KAT14: variants seen among roughly 807,000 people sequenced by gnomAD.
KAT14 encodes the protein cysteine-rich protein 2-binding protein.
Under a neutral mutation model 78.4 loss-of-function variants are expected in KAT14, and 66 were observed. The ratio of observed to expected loss-of-function variants is 0.84; its 90% CI spans 0.69 to 1.03. The LOEUF (loss-of-function observed/expected upper bound fraction) is 1.03. Among genes scored for constraint, KAT14 ranks in the 50% least tolerant of loss-of-function variants. The pLI is 0.00. For missense variants in KAT14, 870 were observed against 972.5 expected (o/e 0.89, Z 1.40); for synonymous variants, 344 against 359.4 (o/e 0.96, Z 0.48).
chr20:18,154,703 T>G (rs1051148035), intron 4 of KAT14, among the ~76,000 whole-genome samples: 1 of 152,190 alleles, frequency 6.6e-6, no homozygotes, highest in Non-Finnish European at 1.5e-5. Flanking sequence ...TAAGATCCAT[T>G]AACTTTAAGA....
chr20:18,179,638 G>A (rs1214748772), intron 7 of KAT14, among the ~76,000 whole-genome samples: 2 of 152,206 alleles, frequency 1.3e-5, no homozygotes, highest in Admixed American at 1.3e-4. Context: ...AGGCTTCCAG[G>A]TCTGTGATGG....
intron 2 of KAT14, among the ~76,000 whole-genome samples, chr20:18,144,052 T>C (rs1051550435): frequency 2.0e-5 from 3 of 152,224 alleles, no homozygotes; most frequent in African/African-American, 7.2e-5. Flanking sequence ...AAGATATAGG[T>C]ACTTGAGGAA....
chr20:18,152,945 G>A (rs558606411), intron 4 of KAT14, among the ~76,000 whole-genome samples: 1 of 152,166 alleles, frequency 6.6e-6, no homozygotes, highest in African/African-American at 2.4e-5. Context: ...AAATGTCCAC[G>A]TGGATCTATC....
chr20:18,150,695 G>A (rs1216995778), intron 3 of KAT14, 126 bp from the exon 4 acceptor site: 10 of 1,449,548 alleles, frequency 6.9e-6, no homozygotes, highest in African/African-American at 4.3e-5. Context: ...GATACCGTCC[G>A]TCCTTTGTTC....
intron 7 of KAT14, among the ~76,000 whole-genome samples, chr20:18,178,602 C>T (rs1019281264): frequency 1.3e-5 from 2 of 152,148 alleles, no homozygotes; most frequent in African/African-American, 4.8e-5. Context: ...TCTCGTGAGA[C>T]TTATTCACTA....
intron 7 of KAT14, among the ~76,000 whole-genome samples, chr20:18,177,392 T>C (rs1247833609): frequency 6.6e-6 from 1 of 152,220 alleles, no homozygotes; most frequent in Non-Finnish European, 1.5e-5. Context: ...TTATTTCTGC[T>C]ACTTTCTGAT....
chr20:18,186,596 T>C (rs1273058382), intron 10 of KAT14, among the ~76,000 whole-genome samples: 9 of 152,338 alleles, frequency 5.9e-5, no homozygotes, highest in Non-Finnish European at 5.9e-5. Context: ...TTAAATGATA[T>C]GACTTTTGGG....
At chr20:18,148,754 C>T (rs2037925837) in intron 3 of KAT14, among the ~76,000 whole-genome samples, 4 of 152,172 alleles carry the variant, frequency 2.6e-5, no homozygotes, top group Middle Eastern at 3.4e-3. Flanking sequence ...GAACTACAGG[C>T]GTGCGCCACC....
intron 3 of KAT14, among the ~76,000 whole-genome samples, chr20:18,146,959 G>T (rs755264295): frequency 1.3e-5 from 2 of 152,164 alleles, no homozygotes; most frequent in African/African-American, 4.8e-5. Context: ...CTACTGTGGT[G>T]AACGAGACAG....
Position 18,137,947 on chromosome 20 carries a change from A to T in KAT14, c.-558A>T, listed in dbSNP as rs768240006. 1.3e-4 allele frequency: 185 copies of T among 1,478,550 alleles called. No individual in the cohort carries two copies. The highest frequency in any genetic ancestry group is 1.6e-4 in the Non-Finnish European group (176 of 1,122,534). 91.6% of individuals were successfully genotyped at this position (1,478,550 alleles called of 1,614,324 possible). On this transcript the variant is annotated 5_prime_UTR_variant, in exon 1 of 11. Transcript: ENST00000688188. ...GCGGGAGAGAGAGGCCGCGGCCGCC[A>T]GCGTGGGGATGTCTAGGAGCTCGAA... is the stretch of plus-strand genomic sequence containing the variant.
At chr20:18,146,607 C>T (rs2037835511) in intron 3 of KAT14, among the ~76,000 whole-genome samples, 1 of 152,010 alleles carries the variant, frequency 6.6e-6, no homozygotes, top group Non-Finnish European at 1.5e-5. Context: ...TGCAGTGAGC[C>T]GAGATCGCGC....
chr20:18,174,869 T>G (rs955456085), intron 7 of KAT14, among the ~76,000 whole-genome samples: 2 of 152,122 alleles, frequency 1.3e-5, no homozygotes, highest in Non-Finnish European at 2.9e-5. Flanking sequence ...TTCATCATGT[T>G]GGCCAGGCTG....
intron 7 of KAT14, among the ~76,000 whole-genome samples, chr20:18,169,276 T>C (rs2038766745): frequency 6.6e-6 from 1 of 152,232 alleles, no homozygotes; most frequent in East Asian, 1.9e-4. Context: ...TTTATTCACA[T>C]TGCTGTATTG....
At chr20:18,171,994 G>C (rs2146479407) in intron 7 of KAT14, among the ~76,000 whole-genome samples, 1 of 152,284 alleles carries the variant, frequency 6.6e-6, no homozygotes, top group Non-Finnish European at 1.5e-5. Flanking sequence ...CTCACTGAAG[G>C]CTCAGATGAT....
At chr20:18,166,234 G>A (rs1236542368) in intron 7 of KAT14, among the ~76,000 whole-genome samples, 4 of 152,184 alleles carry the variant, frequency 2.6e-5, no homozygotes, top group Admixed American at 1.3e-4. Flanking sequence ...ACGCACTTGG[G>A]TCGTCCTTAC....
At chr20:18,168,893 T>G (rs1022773835) in intron 7 of KAT14, among the ~76,000 whole-genome samples, 3 of 152,198 alleles carry the variant, frequency 2.0e-5, no homozygotes, top group African/African-American at 7.2e-5. Flanking sequence ...TTGCTTCAAA[T>G]TTTTCTTCTA....
chr20:18,157,373 A>G (rs1217593375), intron 4 of KAT14, among the ~76,000 whole-genome samples: 1 of 152,006 alleles, frequency 6.6e-6, no homozygotes, highest in Non-Finnish European at 1.5e-5. Context: ...GTGCCATCAC[A>G]CCCAGCTAAT....
chr20:18,184,513 G>A, intron 9 of KAT14, 89 bp from the exon 10 acceptor site: 5 of 1,126,660 alleles, frequency 4.4e-6, no homozygotes, highest in South Asian at 3.5e-5. Context: ...TAGCATGCAG[G>A]TGTAGCTATA....
At chr20:18,173,328 C>T (rs952834610) in intron 7 of KAT14, among the ~76,000 whole-genome samples, 3 of 152,260 alleles carry the variant, frequency 2.0e-5, no homozygotes, top group African/African-American at 7.2e-5. Context: ...CCCACAGAGG[C>T]TCTGCTCCCG....
Sources: gnomAD v4.1 joint callset for allele counts (sites outside exome capture counted in the v4.1 genomes callset) on GRCh38, gnomAD v4.1.1 for gene constraint, MANE v1.5 for transcripts, NCBI Gene and HGNC (gene_info 2026-07-23, HGNC 2026-07-21) for gene names.